Variants in SUGCT observed in about 807,000 individuals in gnomAD.
SUGCT encodes the protein succinyl-CoA:glutarate-CoA transferase.
SUGCT carries 41 observed loss-of-function variants against 55.0 expected under a neutral mutation model. That is an observed-to-expected ratio of 0.74 (90% CI 0.58 to 0.97). SUGCT has a LOEUF of 0.97. SUGCT is among the 50% of genes least tolerant of loss of function. The pLI is 0.00. For synonymous variants in SUGCT, 187 were observed against 200.4 expected (o/e 0.93, Z 0.56); for missense variants, 568 against 547.8 (o/e 1.04, Z -0.37).
At chr7:40,403,410 G>T (rs1386140280) in intron 9 of SUGCT, among the ~76,000 whole-genome samples, 1 of 152,194 alleles carries the variant, frequency 6.6e-6, no homozygotes. Flanking sequence ...TTATCTCACT[G>T]TATTAAAAAC....
chr7:40,749,563 A>G, intron 13 of SUGCT, 66 bp downstream of exon 13: 1 of 1,296,014 alleles, frequency 7.7e-7, no homozygotes, highest in Non-Finnish European at 1.1e-6. Context: ...GCTGTTTACT[A>G]CAGGTAGCTT....
intron 12 of SUGCT, among the ~76,000 whole-genome samples, chr7:40,614,882 C>T (rs551350998): frequency 2.2e-4 from 33 of 151,832 alleles, no homozygotes; most frequent in African/African-American, 7.7e-4. Context: ...ATGGTGAAAC[C>T]CCATCTCTAC....
At chr7:40,569,853 G>A (rs1796347027) in intron 12 of SUGCT, among the ~76,000 whole-genome samples, 1 of 152,136 alleles carries the variant, frequency 6.6e-6, no homozygotes, top group African/African-American at 2.4e-5. Context: ...CTTCGATTCT[G>A]ACCTAAATGA....
the SUGCT span, among the ~76,000 whole-genome samples, chr7:40,962,565 TCACACACA>T: frequency 0.058 from 7,955 of 136,072 alleles, 244 homozygotes; most frequent in East Asian, 0.14. Flanking sequence ...CAAAGGTAAA[TCACACACA>T]CACACACACA....
chr7:40,381,135 A>C (rs959378294), intron 9 of SUGCT, among the ~76,000 whole-genome samples: 1 of 152,102 alleles, frequency 6.6e-6, no homozygotes, highest in Non-Finnish European at 1.5e-5. Context: ...TAGATTCCTC[A>C]GTAGTGATTT....
intron 5 of SUGCT, among the ~76,000 whole-genome samples, chr7:40,194,676 T>C (rs1169408496): frequency 1.3e-5 from 2 of 152,216 alleles, no homozygotes; most frequent in African/African-American, 4.8e-5. Context: ...GACCATGTAG[T>C]CTAGATATTT....
the SUGCT span, among the ~76,000 whole-genome samples, chr7:40,917,640 A>C: frequency 1.3e-5 from 2 of 152,116 alleles, no homozygotes; most frequent in African/African-American, 2.4e-5. Flanking sequence ...AACAAAAACA[A>C]ACTTGGTGGC....
chr7:40,557,825 C>A (rs1795635335), intron 12 of SUGCT, among the ~76,000 whole-genome samples: 1 of 150,732 alleles, frequency 6.6e-6, no homozygotes, highest in Non-Finnish European at 1.5e-5. Context: ...AAAGGACAAC[C>A]CACAGAATGG....
intron 12 of SUGCT, among the ~76,000 whole-genome samples, chr7:40,621,435 A>C (rs574167776): frequency 6.6e-6 from 1 of 152,166 alleles, no homozygotes; most frequent in African/African-American, 2.4e-5. Flanking sequence ...GCTTGAACGC[A>C]CAAAGTCTCC....
At chr7:40,302,582 A>T (rs1391993490) in intron 8 of SUGCT, among the ~76,000 whole-genome samples, 1 of 152,132 alleles carries the variant, frequency 6.6e-6, no homozygotes, top group Non-Finnish European at 1.5e-5. Flanking sequence ...GTCTTTTCCA[A>T]GCTCATTTAG....
intron 9 of SUGCT, among the ~76,000 whole-genome samples, chr7:40,317,579 A>G: frequency 6.6e-6 from 1 of 152,204 alleles, no homozygotes; most frequent in East Asian, 1.9e-4. Flanking sequence ...TCTTCTCACA[A>G]TCAATGGAAG....
chr7:40,854,419 C>CCTTCCTTT (rs1794036747), intron 13 of SUGCT, among the ~76,000 whole-genome samples: 18 of 88,804 alleles, frequency 2.0e-4, no homozygotes, highest in East Asian at 6.5e-4. Context: ...TTCTTTCTTT[C>CCTTCCTTT]CTTTCTTTCT....
the SUGCT span, among the ~76,000 whole-genome samples, chr7:40,896,645 C>G: frequency 6.6e-6 from 1 of 152,166 alleles, no homozygotes; most frequent in Admixed American, 6.5e-5. Flanking sequence ...ATTTGCTTCC[C>G]CTTCCACCAT....
chr7:40,251,587 C>T (rs1027901072), intron 7 of SUGCT, among the ~76,000 whole-genome samples: 5 of 152,180 alleles, frequency 3.3e-5, no homozygotes, highest in African/African-American at 9.7e-5. Context: ...GCCAAGGGTG[C>T]GTCCCACTCC....
At chr7:40,551,304 C>T (rs1472406090) in intron 12 of SUGCT, among the ~76,000 whole-genome samples, 1 of 152,132 alleles carries the variant, frequency 6.6e-6, no homozygotes, top group Non-Finnish European at 1.5e-5. Flanking sequence ...CTGAATATAA[C>T]GTTCTATTTA....
chr7:40,617,228 T>C (rs1015283907), intron 12 of SUGCT, among the ~76,000 whole-genome samples: 3 of 152,198 alleles, frequency 2.0e-5, no homozygotes. Context: ...ACCTTTGTCA[T>C]AAGGGGGCTT....
intron 13 of SUGCT, among the ~76,000 whole-genome samples, chr7:40,768,548 T>C (rs1788923858): frequency 6.6e-6 from 1 of 152,198 alleles, no homozygotes; most frequent in Non-Finnish European, 1.5e-5. Flanking sequence ...AGACCCACTC[T>C]ATCTTTCTAT....
intron 13 of SUGCT, among the ~76,000 whole-genome samples, chr7:40,772,496 A>C (rs1047438546): frequency 1.3e-4 from 1 of 7,568 alleles, no homozygotes; most frequent in Non-Finnish European, 3.2e-4. Flanking sequence ...CTTTTGAAAT[A>C]TCTATCTATC....
chr7:40,420,939 T>C (rs1157953714), intron 9 of SUGCT, among the ~76,000 whole-genome samples: 1 of 152,138 alleles, frequency 6.6e-6, no homozygotes, highest in African/African-American at 2.4e-5. Context: ...AAAGCCCACT[T>C]TCTTTATCAT....
Sources: allele counts gnomAD v4.1 joint callset (sites outside exome capture counted in the v4.1 genomes callset), GRCh38; gene constraint gnomAD v4.1.1; transcripts MANE v1.5; gene names NCBI Gene and HGNC (gene_info 2026-07-23, HGNC 2026-07-21).